Variants in PDE7B observed in about 807,000 individuals in gnomAD.
PDE7B encodes the protein phosphodiesterase 7B, also known as 3',5'-cyclic-AMP phosphodiesterase 7B.
Under a neutral mutation model 56.2 loss-of-function variants are expected in PDE7B, and 29 were observed. That is an observed-to-expected ratio of 0.52 (90% confidence interval 0.38 to 0.70). The LOEUF is 0.70. Among genes scored for constraint, PDE7B ranks in the 30% least tolerant of loss-of-function variants. The pLI, the probability that PDE7B is intolerant of heterozygous loss-of-function variation, is 0.00. For synonymous variants in PDE7B, 197 were observed against 196.9 expected (o/e 1.00, Z 0.00); for missense variants, 490 against 565.0 (o/e 0.87, Z 1.35).
intron 1 of PDE7B, among the ~76,000 whole-genome samples, chr6:135,862,293 C>T (rs550791097): frequency 4.0e-5 from 6 of 151,848 alleles, no homozygotes; most frequent in East Asian, 1.9e-4. Context: ...AAATACTTTT[C>T]GTATGACTTT....
intron 3 of PDE7B, among the ~76,000 whole-genome samples, chr6:136,127,312 T>C (rs1032598930): frequency 3.9e-5 from 6 of 151,950 alleles, no homozygotes; most frequent in South Asian, 2.1e-4. Context: ...CAATGCCTCC[T>C]AGGAGGTAAT....
intron 1 of PDE7B, among the ~76,000 whole-genome samples, chr6:135,879,305 A>C (rs1290924926): frequency 6.6e-6 from 1 of 152,176 alleles, no homozygotes; most frequent in Non-Finnish European, 1.5e-5. Context: ...CTCTACAAAC[A>C]AACAAGGGAA....
At chr6:135,890,142 C>T (rs1195992638) in intron 1 of PDE7B, among the ~76,000 whole-genome samples, 3 of 152,090 alleles carry the variant, frequency 2.0e-5, no homozygotes, top group Non-Finnish European at 4.4e-5. Flanking sequence ...TTTTCTACTT[C>T]GTATGATACA....
intron 1 of PDE7B, among the ~76,000 whole-genome samples, chr6:135,892,678 T>C (rs1050173467): frequency 3.3e-5 from 5 of 152,194 alleles, no homozygotes; most frequent in Non-Finnish European, 7.3e-5. Flanking sequence ...AATGCTAAAA[T>C]TGATTGACAT....
At chr6:135,926,248 A>T (rs572625850) in intron 1 of PDE7B, among the ~76,000 whole-genome samples, 1 of 151,594 alleles carries the variant, frequency 6.6e-6, no homozygotes, top group East Asian at 1.9e-4. Context: ...CACCACGCCC[A>T]GCTAATTTTT....
At chr6:136,163,434 G>A (rs1426517382) in intron 8 of PDE7B, among the ~76,000 whole-genome samples, 3 of 152,210 alleles carry the variant, frequency 2.0e-5, no homozygotes. Flanking sequence ...CACAGAGCTG[G>A]GGGCCCTAGG....
At chr6:136,015,384 C>A (rs1388960154) in intron 2 of PDE7B, among the ~76,000 whole-genome samples, 2 of 152,176 alleles carry the variant, frequency 1.3e-5, no homozygotes, top group East Asian at 3.9e-4. Flanking sequence ...GAGCCATTTT[C>A]TGATTCAAGG....
chr6:136,194,008 A>C lies in PDE7B; in HGVS notation c.*2168A>C, dbSNP rs1562519414. On this transcript the variant is annotated 3_prime_UTR_variant, in exon 13 of 13. Transcript: ENST00000308191. The stretch of plus-strand genomic sequence containing the variant: ...TTTCTGTAAAACTGTGAACTGATAT[A>C]TTTTCCTTTATCACTTTAGTATTCT... The C allele has an allele frequency of 6.6e-6, 1 of 152,050 alleles. No individual in the cohort carries two copies. The highest frequency in any genetic ancestry group is 6.6e-5 in the Admixed American group (1 of 15,262). 9.4% of individuals were successfully genotyped at this position (152,050 alleles called of 1,614,324 possible).
intron 1 of PDE7B, among the ~76,000 whole-genome samples, chr6:135,911,960 G>A (rs1332025004): frequency 1.3e-5 from 2 of 152,188 alleles, no homozygotes; most frequent in African/African-American, 2.4e-5. Flanking sequence ...AGTGGCCACT[G>A]TGAGCCCAAA....
At chr6:135,900,854 AGCCCCCT>A (rs1163450927) in intron 1 of PDE7B, among the ~76,000 whole-genome samples, 1 of 152,002 alleles carries the variant, frequency 6.6e-6, no homozygotes, top group Non-Finnish European at 1.5e-5. Context: ...AGATTCTCCT[AGCCCCCT>A]GTCCAGTGTC....
intron 1 of PDE7B, among the ~76,000 whole-genome samples, chr6:135,859,074 G>T (rs1334550850): frequency 6.7e-6 from 1 of 149,438 alleles, no homozygotes; most frequent in African/African-American, 2.5e-5. Context: ...AAAAAAAAAA[G>T]ACCTTCATTT....
intron 1 of PDE7B, among the ~76,000 whole-genome samples, chr6:135,944,853 G>A (rs776012111): frequency 6.6e-6 from 1 of 152,108 alleles, no homozygotes; most frequent in Non-Finnish European, 1.5e-5. Context: ...TGCCCCTAGA[G>A]GCCCTGCAAG....
intron 7 of PDE7B, among the ~76,000 whole-genome samples, chr6:136,154,433 A>G (rs1184134822): frequency 1.4e-5 from 2 of 141,812 alleles, no homozygotes; most frequent in African/African-American, 5.4e-5. Context: ...AAAAAAAAAA[A>G]CTTCCTCTCT....
intron 2 of PDE7B, among the ~76,000 whole-genome samples, chr6:136,093,403 G>T (rs1461933785): frequency 6.6e-6 from 1 of 152,168 alleles, no homozygotes; most frequent in African/African-American, 2.4e-5. Flanking sequence ...TTCTTCCAAG[G>T]ATGTATCTAG....
intron 1 of PDE7B, among the ~76,000 whole-genome samples, chr6:135,883,154 G>T (rs961091339): frequency 6.6e-6 from 1 of 152,120 alleles, no homozygotes; most frequent in African/African-American, 2.4e-5. Flanking sequence ...GAATGGCTTA[G>T]TCATACACAA....
intron 2 of PDE7B, among the ~76,000 whole-genome samples, chr6:136,041,259 A>G (rs1478714418): frequency 6.6e-6 from 1 of 152,220 alleles, no homozygotes. Flanking sequence ...CTTCAACAAG[A>G]CTGGAACTTT....
chr6:136,031,408 G>A (rs1776243418), intron 2 of PDE7B, among the ~76,000 whole-genome samples: 1 of 152,198 alleles, frequency 6.6e-6, no homozygotes, highest in Admixed American at 6.5e-5. Context: ...TAGCCTCTAG[G>A]AGATACCATT....
chr6:136,177,030 C>T (rs985598608), intron 9 of PDE7B, among the ~76,000 whole-genome samples: 2 of 150,974 alleles, frequency 1.3e-5, no homozygotes, highest in African/African-American at 4.9e-5. Flanking sequence ...GGCTTAAAAA[C>T]AAAAATGTTT....
At chr6:136,005,176 T>A (rs201982511) in intron 2 of PDE7B, among the ~76,000 whole-genome samples, 13,352 of 152,080 alleles carry the variant, frequency 0.088, 962 homozygotes, top group African/African-American at 0.19. Context: ...ACTGGATCCC[T>A]TCCTTACACC....
Sources: allele counts gnomAD v4.1 joint callset (sites outside exome capture counted in the v4.1 genomes callset), GRCh38; gene constraint gnomAD v4.1.1; transcripts MANE v1.5; gene names NCBI Gene and HGNC (gene_info 2026-07-23, HGNC 2026-07-21).